CCDC148: variants seen among roughly 807,000 people sequenced by gnomAD.
The protein encoded by CCDC148 is coiled-coil domain containing 148.
In CCDC148, 89 loss-of-function variants were observed where a neutral mutation model predicts 85.7. That is an observed-to-expected ratio of 1.04 (90% CI 0.87 to 1.24). CCDC148 has a LOEUF of 1.24. Among genes scored for constraint, CCDC148 ranks in the 50% most tolerant of loss-of-function variants. CCDC148 has a pLI of 0.00. For synonymous variants in CCDC148, 230 were observed against 213.9 expected (o/e 1.08, Z -0.66); for missense variants, 692 against 671.7 (o/e 1.03, Z -0.33).
chr2:158,435,516 C>T (rs571385188), intron 1 of CCDC148, among the ~76,000 whole-genome samples: 1 of 152,264 alleles, frequency 6.6e-6, no homozygotes, highest in Non-Finnish European at 1.5e-5. Context: ...CTGGCCACTG[C>T]AAAAACATGA....
intron 1 of CCDC148, among the ~76,000 whole-genome samples, chr2:158,410,622 C>G (rs536875434): frequency 8.5e-4 from 130 of 152,236 alleles, no homozygotes; most frequent in African/African-American, 3.1e-3. Context: ...TATAAAATCT[C>G]TATACTTTTA....
chr2:158,382,927 A>G (rs2105289907), intron 1 of CCDC148, among the ~76,000 whole-genome samples: 1 of 152,166 alleles, frequency 6.6e-6, no homozygotes, highest in African/African-American at 2.4e-5. Context: ...TCTCACAAAA[A>G]AAAACCACAA....
At position 158,365,710 on chromosome 2, in the gene CCDC148, A is replaced by T. The variant is rs564642972; in HGVS notation, c.26-7140T>A. ...TTAGGAGAAATACCTAATGTAGATG[A>T]CGGGTTGATGGGTGCATCAAACCAC... is the stretch of plus-strand genomic sequence containing the variant. On this transcript the variant is annotated intron_variant, in intron 1 of 13. Coordinates refer to ENST00000283233, the MANE Select transcript of CCDC148 (RefSeq NM_138803.4). 4.1e-3 allele frequency among the ~76,000 whole-genome samples: 627 copies of T among 152,258 alleles called. 1 individual carries two copies. Among genetic ancestry groups the T allele is most frequent in the African/African-American group, 0.014 (590 of 41,562 alleles).
At chr2:158,239,178 CA>C (rs1450561366) in intron 10 of CCDC148, among the ~76,000 whole-genome samples, 2 of 152,066 alleles carry the variant, frequency 1.3e-5, no homozygotes, top group African/African-American at 4.8e-5. Context: ...CCAGAAAGTA[CA>C]GTCAAAAATT....
chr2:158,347,773 A>T (rs917064243), intron 2 of CCDC148, among the ~76,000 whole-genome samples: 1 of 152,124 alleles, frequency 6.6e-6, no homozygotes, highest in Non-Finnish European at 1.5e-5. Context: ...TTTGAGACAG[A>T]CGTCAATAAC....
chr2:158,350,447 T>C (rs781003318), intron 2 of CCDC148, among the ~76,000 whole-genome samples: 1 of 152,160 alleles, frequency 6.6e-6, no homozygotes, highest in Non-Finnish European at 1.5e-5. Flanking sequence ...GTGTAGAGAA[T>C]ACATTTGTTT....
At chr2:158,407,185 C>A (rs1039549668) in intron 1 of CCDC148, among the ~76,000 whole-genome samples, 1 of 152,154 alleles carries the variant, frequency 6.6e-6, no homozygotes, top group African/African-American at 2.4e-5. Context: ...GGCCATCTGC[C>A]ACCCAAGCTG....
At chr2:158,340,802 C>T in intron 3 of CCDC148, 122 bp from the exon 4 acceptor site, 1 of 629,668 alleles carries the variant, frequency 1.6e-6, no homozygotes, top group South Asian at 2.2e-5. Flanking sequence ...AAACCATGTA[C>T]TAAATTCCTA....
At chr2:158,173,199 A>G (rs1311205613) in intron 13 of CCDC148, among the ~76,000 whole-genome samples, 1 of 151,984 alleles carries the variant, frequency 6.6e-6, no homozygotes, top group Non-Finnish European at 1.5e-5. Context: ...TATAAAGCAG[A>G]CTGGGGAGGA....
chr2:158,391,835 A>G (rs1685321505), intron 1 of CCDC148, among the ~76,000 whole-genome samples: 1 of 152,128 alleles, frequency 6.6e-6, no homozygotes, highest in South Asian at 2.1e-4. Context: ...TCAGTAATTC[A>G]GGTGAGCATA....
chr2:158,214,353 T>C (rs561504568), intron 11 of CCDC148, among the ~76,000 whole-genome samples: 1 of 152,268 alleles, frequency 6.6e-6, no homozygotes, highest in South Asian at 2.1e-4. Context: ...TATCCACCAA[T>C]TTATTGTTGC....
At chr2:158,412,788 A>G (rs1686315390) in intron 1 of CCDC148, among the ~76,000 whole-genome samples, 1 of 150,368 alleles carries the variant, frequency 6.7e-6, no homozygotes, top group African/African-American at 2.4e-5. Flanking sequence ...ATAAATTATA[A>G]TTGTTTAAAA....
intron 9 of CCDC148, among the ~76,000 whole-genome samples, chr2:158,304,682 C>T (rs999279569): frequency 1.3e-5 from 2 of 152,138 alleles, no homozygotes; most frequent in Non-Finnish European, 1.5e-5. Context: ...ATTGTTCTCA[C>T]CGTAACCAGA....
intron 1 of CCDC148, among the ~76,000 whole-genome samples, chr2:158,432,767 C>A (rs1687412391): frequency 6.6e-6 from 1 of 151,616 alleles, no homozygotes; most frequent in African/African-American, 2.4e-5. Flanking sequence ...ATACCAAAGC[C>A]AAAAAAATAA....
rs562858206 is a variant in CCDC148, at chr2:158,279,674, G to A, written c.1111-28762C>T. Among the ~76,000 whole-genome samples, 21 of 152,282 alleles carry A rather than the reference G, an allele frequency of 1.4e-4. No individual in the cohort carries two copies. The South Asian group carries it at 4.1e-3, about 30-fold the overall frequency. ...ATTGGTGTACCTGAAAGTGACAGGGGGAATGGAACCAAGTTGAAAAACACT... is the reference window on the plus strand; with the variant it reads ...ATTGGTGTACCTGAAAGTGACAGGGAGAATGGAACCAAGTTGAAAAACACT... On this transcript the variant is annotated intron_variant, in intron 9 of 13. Coordinates refer to ENST00000283233, the MANE Select transcript of CCDC148 (RefSeq NM_138803.4).
At chr2:158,445,912 G>C (rs1048121799) in intron 1 of CCDC148, among the ~76,000 whole-genome samples, 1 of 152,074 alleles carries the variant, frequency 6.6e-6, no homozygotes, top group Non-Finnish European at 1.5e-5. Context: ...TTGGTTTAAT[G>C]GTTGGTCATA....
At chr2:158,188,988 G>C (rs960136818) in intron 11 of CCDC148, among the ~76,000 whole-genome samples, 1 of 151,786 alleles carries the variant, frequency 6.6e-6, no homozygotes, top group Admixed American at 6.6e-5. Context: ...AATCACCAGA[G>C]AGATGCAATC....
chr2:158,310,255 T>G (rs1198651596), intron 8 of CCDC148, among the ~76,000 whole-genome samples: 1 of 152,126 alleles, frequency 6.6e-6, no homozygotes, highest in African/African-American at 2.4e-5. Flanking sequence ...GGTTATAGAT[T>G]AACAGCATCC....
At chr2:158,180,034 T>C (rs1357183) in intron 11 of CCDC148, among the ~76,000 whole-genome samples, 114,413 of 152,104 alleles carry the variant, frequency 0.75, 45,493 homozygotes, top group Admixed American at 0.87. Flanking sequence ...TACTGAATTA[T>C]AGAGATGGAA....
Sources: allele counts gnomAD v4.1 joint callset (sites outside exome capture counted in the v4.1 genomes callset), GRCh38; gene constraint gnomAD v4.1.1; transcripts MANE v1.5; gene names NCBI Gene and HGNC (gene_info 2026-07-23, HGNC 2026-07-21).